The following TTLL11 variants were observed in gnomAD, a reference collection of about 807,000 sequenced individuals.
TTLL11 encodes tubulin polyglutamylase TTLL11.
Under a neutral mutation model 51.7 loss-of-function variants are expected in TTLL11, and 42 were observed. The observed-to-expected ratio is 0.81, with a 90% CI of 0.64 to 1.05. The LOEUF (loss-of-function observed/expected upper bound fraction) is 1.05. TTLL11 is among the 50% of genes least tolerant of loss of function. The pLI, the probability that TTLL11 is intolerant of heterozygous loss-of-function variation, is 0.00. For synonymous variants in TTLL11, 381 were observed against 383.5 expected (o/e 0.99, Z 0.08); for missense variants, 799 against 940.4 (o/e 0.85, Z 1.97).
At chr9:121,896,518 C>A (rs1439833849) in intron 6 of TTLL11, among the ~76,000 whole-genome samples, 2 of 152,228 alleles carry the variant, frequency 1.3e-5, no homozygotes, top group Non-Finnish European at 2.9e-5. Context: ...TGTCTCGACT[C>A]CAAGGCCCTC....
At chr9:122,026,836 G>C (rs1844358166) in intron 3 of TTLL11, among the ~76,000 whole-genome samples, 1 of 150,510 alleles carries the variant, frequency 6.6e-6, no homozygotes, top group Non-Finnish European at 1.5e-5. Context: ...CACTTTCATG[G>C]TGTTCTTGCC....
chr9:121,860,571 A>C, intron 7 of TTLL11, 128 bp from the exon 8 acceptor site: 41 of 717,552 alleles, frequency 5.7e-5, no homozygotes, highest in East Asian at 8.5e-5. Context: ...TATCCCTCCA[A>C]TGTGATGGTG....
chr9:122,061,334 G>A (rs1173873472), intron 1 of TTLL11, among the ~76,000 whole-genome samples: 3 of 152,030 alleles, frequency 2.0e-5, no homozygotes, highest in Admixed American at 6.5e-5. Context: ...TTTTTGGGGG[G>A]GCACAATTCA....
intron 1 of TTLL11, among the ~76,000 whole-genome samples, chr9:122,059,449 G>A (rs557059665): frequency 2.6e-5 from 4 of 152,122 alleles, no homozygotes; most frequent in South Asian, 4.2e-4. Context: ...GTCAAGTAAC[G>A]TGCCTCAGTT....
At chr9:121,842,988 C>A (rs902831677) in intron 8 of TTLL11, among the ~76,000 whole-genome samples, 3 of 152,086 alleles carry the variant, frequency 2.0e-5, no homozygotes, top group African/African-American at 7.2e-5. Flanking sequence ...GGGAGATGTG[C>A]GAAATGCTAA....
At chr9:121,940,686 A>G (rs926892681) in intron 6 of TTLL11, among the ~76,000 whole-genome samples, 2 of 151,856 alleles carry the variant, frequency 1.3e-5, no homozygotes, top group African/African-American at 4.8e-5. Context: ...CCCACACACA[A>G]TCATCCACCA....
At chr9:121,823,259 C>T (rs1836639861) in intron 8 of TTLL11, among the ~76,000 whole-genome samples, 1 of 152,332 alleles carries the variant, frequency 6.6e-6, no homozygotes, top group Non-Finnish European at 1.5e-5. Context: ...TAAAACCCAG[C>T]TCCTGGCTGG....
chr9:121,961,492 C>T (rs1298680542), intron 6 of TTLL11, among the ~76,000 whole-genome samples: 5 of 152,004 alleles, frequency 3.3e-5, no homozygotes, highest in Non-Finnish European at 5.9e-5. Flanking sequence ...GCCAAATTTA[C>T]CCCCAAGAGT....
chr9:121,898,956 C>T (rs1441396909), intron 6 of TTLL11, among the ~76,000 whole-genome samples: 3 of 152,186 alleles, frequency 2.0e-5, no homozygotes, highest in Non-Finnish European at 4.4e-5. Flanking sequence ...TCTTCTTTGC[C>T]TGGCTCCTGA....
At position 121,959,777 on chromosome 9, in the gene TTLL11, C is replaced by T. The variant is rs530065790; in HGVS notation, c.1481+14232G>A. Among the ~76,000 whole-genome samples the T allele has an allele frequency of 9.9e-5, 15 of 152,084 alleles. 1 individual carries two copies. The South Asian group carries it at 3.1e-3, about 32-fold the overall frequency. On this transcript the variant is annotated intron_variant, in intron 6 of 8. Coordinates refer to ENST00000321582, the MANE Select transcript of TTLL11 (RefSeq NM_001139442.2). ...GCCTGCTTTGAAAATCTGTCTGTTG[C>T]TTTTAGGAGGAAAAGCCAAATGCTT...
intron 6 of TTLL11, among the ~76,000 whole-genome samples, chr9:121,885,746 T>C (rs570936335): frequency 6.6e-5 from 10 of 152,318 alleles, no homozygotes; most frequent in African/African-American, 2.4e-4. Context: ...TTTCTTTCTT[T>C]GAGACAGGGT....
chr9:121,980,942 T>A (rs1200929871), intron 4 of TTLL11, among the ~76,000 whole-genome samples: 1 of 152,262 alleles, frequency 6.6e-6, no homozygotes, highest in Non-Finnish European at 1.5e-5. Context: ...GAACATAGTG[T>A]ATCTTTTCTT....
At chr9:121,955,493 T>C (rs1334638831) in intron 6 of TTLL11, among the ~76,000 whole-genome samples, 1 of 152,216 alleles carries the variant, frequency 6.6e-6, no homozygotes, top group Non-Finnish European at 1.5e-5. Context: ...AGAACTATCA[T>C]TCATGTAATG....
intron 1 of TTLL11, among the ~76,000 whole-genome samples, chr9:122,041,411 A>G (rs1844842719): frequency 1.3e-5 from 2 of 152,260 alleles, no homozygotes; most frequent in Non-Finnish European, 2.9e-5. Flanking sequence ...TCAACATAGT[A>G]TTATAAATTC....
At chr9:121,950,910 G>A (rs10985464) in intron 6 of TTLL11, among the ~76,000 whole-genome samples, 30,498 of 152,050 alleles carry the variant, frequency 0.2, 3,225 homozygotes, top group Middle Eastern at 0.21. Context: ...AATTAAACCC[G>A]AAAGCGCTTG....
At chr9:122,089,894 T>G (rs1361844019) in intron 1 of TTLL11, among the ~76,000 whole-genome samples, 2 of 152,094 alleles carry the variant, frequency 1.3e-5, no homozygotes, top group African/African-American at 4.8e-5. Context: ...ACTCAAGTGA[T>G]CCTCCCACCT....
intron 3 of TTLL11, among the ~76,000 whole-genome samples, chr9:122,030,154 A>G (rs1588219509): frequency 7.3e-6 from 1 of 137,596 alleles, no homozygotes; most frequent in East Asian, 2.3e-4. Context: ...AAGGAAAGGT[A>G]TTCCACATAG....
intron 3 of TTLL11, among the ~76,000 whole-genome samples, chr9:122,008,885 T>C (rs1166152876): frequency 6.6e-6 from 1 of 152,186 alleles, no homozygotes; most frequent in East Asian, 1.9e-4. Flanking sequence ...AATCCTGTCA[T>C]TTGCAACAAC....
intron 1 of TTLL11, among the ~76,000 whole-genome samples, chr9:122,086,680 C>T (rs1313617572): frequency 1.3e-5 from 2 of 152,198 alleles, no homozygotes; most frequent in African/African-American, 2.4e-5. Context: ...GGTGCAGGCA[C>T]CAAATGCTCC....
Sources: gnomAD v4.1 joint callset for allele counts (sites outside exome capture counted in the v4.1 genomes callset) on GRCh38, gnomAD v4.1.1 for gene constraint, MANE v1.5 for transcripts, NCBI Gene and HGNC (gene_info 2026-07-23, HGNC 2026-07-21) for gene names.